The following ARHGAP25 variants were observed in gnomAD, a reference collection of about 807,000 sequenced individuals.
The protein encoded by ARHGAP25 is rho GTPase-activating protein 25.
ARHGAP25 carries 34 observed loss-of-function variants against 71.0 expected under a neutral mutation model. That is an observed-to-expected ratio of 0.48 (90% CI 0.36 to 0.64). ARHGAP25 has a LOEUF of 0.64. Among genes scored for constraint, ARHGAP25 ranks in the 30% least tolerant of loss-of-function variants. The pLI, the probability that ARHGAP25 is intolerant of heterozygous loss-of-function variation, is 0.00. For missense variants in ARHGAP25, 706 were observed against 805.1 expected, an observed-to-expected ratio of 0.88 and a Z score of 1.49; for synonymous variants, 282 against 296.5, an observed-to-expected ratio of 0.95 and a Z score of 0.50.
At chr2:68,764,553 A>C (rs191040152) in intron 1 of ARHGAP25, among the ~76,000 whole-genome samples, 1 of 152,190 alleles carries the variant, frequency 6.6e-6, no homozygotes, top group East Asian at 1.9e-4. Context: ...CTCTGTTCTC[A>C]CTGGTATCGT....
At chr2:68,748,695 G>C (rs1244837948) in intron 1 of ARHGAP25, among the ~76,000 whole-genome samples, 2 of 152,240 alleles carry the variant, frequency 1.3e-5, no homozygotes, top group East Asian at 3.9e-4. Context: ...AGATATTTCT[G>C]ACTTTCTTAT....
At chr2:68,761,863 T>C (rs1229851763) in intron 1 of ARHGAP25, among the ~76,000 whole-genome samples, 2 of 152,172 alleles carry the variant, frequency 1.3e-5, no homozygotes, top group Non-Finnish European at 2.9e-5. Flanking sequence ...TACTATCTGA[T>C]CCCACAATTC....
intron 2 of ARHGAP25, among the ~76,000 whole-genome samples, chr2:68,724,654 A>G (rs1227196268): frequency 6.6e-6 from 1 of 152,214 alleles, no homozygotes; most frequent in African/African-American, 2.4e-5. Flanking sequence ...CCAGCTGCCT[A>G]CTGGGTGGCA....
upstream of ARHGAP25, among the ~76,000 whole-genome samples, chr2:68,733,353 C>A (rs75841401): frequency 0.12 from 17,881 of 151,986 alleles, 1,302 homozygotes; most frequent in East Asian, 0.25. Flanking sequence ...GTCATAGGGG[C>A]AAAAACATCA....
intron 4 of ARHGAP25, among the ~76,000 whole-genome samples, chr2:68,802,138 G>A (rs930722354): frequency 2.6e-5 from 4 of 152,126 alleles, no homozygotes; most frequent in East Asian, 1.9e-4. Context: ...GGCCGGGCGC[G>A]GTGGCTCATG....
At chr2:68,755,317 C>T (rs1676410011) in intron 1 of ARHGAP25, among the ~76,000 whole-genome samples, 1 of 152,058 alleles carries the variant, frequency 6.6e-6, no homozygotes, top group Non-Finnish European at 1.5e-5. Context: ...AGGCCTCCTC[C>T]CAAAGATCAT....
At chr2:68,743,491 T>A (rs1022245743) in intron 1 of ARHGAP25, among the ~76,000 whole-genome samples, 3 of 152,322 alleles carry the variant, frequency 2.0e-5, no homozygotes, top group Admixed American at 2.0e-4. Context: ...AATTCTGCTG[T>A]TGCTACCCAA....
At chr2:68,769,507 T>C (rs976723941) in intron 1 of ARHGAP25, among the ~76,000 whole-genome samples, 3 of 152,110 alleles carry the variant, frequency 2.0e-5, no homozygotes, top group African/African-American at 7.2e-5. Context: ...TCCTTCCTTC[T>C]CTCTGTTAGG....
intron 1 of ARHGAP25, among the ~76,000 whole-genome samples, chr2:68,756,085 G>A (rs4309612): frequency 0.57 from 86,997 of 151,970 alleles, 26,041 homozygotes; most frequent in South Asian, 0.67. Context: ...TGGGACCCTG[G>A]TGTCTAATCA....
intron 9 of ARHGAP25, 144 bp downstream of exon 9, chr2:68,819,463 A>G: frequency 1.2e-6 from 1 of 823,394 alleles, no homozygotes; most frequent in Non-Finnish European, 2.0e-6. Context: ...ACTCATCTGA[A>G]CACACCTTGA....
chr2:68,726,469 C>T (rs78827583), intron 2 of ARHGAP25, among the ~76,000 whole-genome samples: 5,457 of 152,274 alleles, frequency 0.036, 326 homozygotes, highest in African/African-American at 0.12. Flanking sequence ...TTATAATCCC[C>T]TGGGAACGAA....
At chr2:68,786,179 G>A (rs1435583218) in intron 3 of ARHGAP25, among the ~76,000 whole-genome samples, 1 of 152,186 alleles carries the variant, frequency 6.6e-6, no homozygotes, top group Non-Finnish European at 1.5e-5. Context: ...CTTGAGAGCT[G>A]CGTGTTTCCC....
At chr2:68,721,772 G>C (rs1006653810) in intron 2 of ARHGAP25, among the ~76,000 whole-genome samples, 1 of 152,222 alleles carries the variant, frequency 6.6e-6, no homozygotes, top group Non-Finnish European at 1.5e-5. Flanking sequence ...TGTTGTATTG[G>C]ATTTCCTCTC....
chr2:68,792,396 A>G (rs1301257324), intron 4 of ARHGAP25, among the ~76,000 whole-genome samples: 1 of 152,170 alleles, frequency 6.6e-6, no homozygotes, highest in East Asian at 1.9e-4. Context: ...ATTTCTCATC[A>G]TACACCGCCT....
Position 68,783,524 on chromosome 2 carries a change from G to A in ARHGAP25, c.349+1204G>A, listed in dbSNP as rs1035375484. ...GTTGCCCAAGCTGGAGTGCAGTGGC[G>A]TGATCTGGGCTCACTGCAGCCTCTG... On this transcript the variant is annotated intron_variant, in intron 3 of 10. Coordinates refer to ENST00000409202, the MANE Select transcript of ARHGAP25 (RefSeq NM_001007231.3). 9.2e-5 allele frequency among the ~76,000 whole-genome samples: 14 copies of A among 151,582 alleles called. No individual in the cohort carries two copies. In the East Asian group the frequency reaches 9.7e-4, roughly 10 times the overall value.
chr2:68,824,558 C>T (rs889302830), intron 10 of ARHGAP25, among the ~76,000 whole-genome samples: 19 of 152,090 alleles, frequency 1.2e-4, no homozygotes, highest in East Asian at 7.7e-4. Flanking sequence ...CTGGCTAACA[C>T]GGTGAAACCA....
At chr2:68,819,738 G>T (rs11691421) in intron 9 of ARHGAP25, 156,228 of 493,016 alleles carry the variant, frequency 0.32, 26,130 homozygotes, top group East Asian at 0.5. Context: ...TCCTTTCTCA[G>T]AGTATGTGAT....
In ARHGAP25 at chr2:68,723,640, C is replaced by T. The variant is rs79096283; in HGVS notation, c.-18+12942C>T. 1.6e-3 allele frequency among the ~76,000 whole-genome samples: 243 copies of T among 152,326 alleles called. 1 individual carries two copies. Among genetic ancestry groups the T allele is most frequent in the African/African-American group, 5.3e-3 (220 of 41,566 alleles). On this transcript the variant is annotated intron_variant and NMD_transcript_variant, in intron 2 of 7. Coordinates refer to the ARHGAP25 transcript ENST00000463483. The stretch of plus-strand genomic sequence containing the variant: ...CTGAGAGGATGGGGACTGTGAGCAC[C>T]TGCTAACTCTTCTATCCCTAGTCCC...
Position 68,826,352 on chromosome 2 carries a change from C to T in ARHGAP25, c.*158C>T. The T allele has an allele frequency of 5.3e-6, 4 of 759,350 alleles. No individual in the cohort carries two copies. The highest frequency in any genetic ancestry group is 6.9e-6 in the Non-Finnish European group (3 of 436,328). 47.0% of individuals were successfully genotyped at this position (759,350 alleles called of 1,614,324 possible). A position where few individuals can be genotyped will look rare whatever the true frequency, so the allele number is the denominator to read the frequency against. ...CCCATAAATAAATGAATGGAGTTTG[C>T]AGGAAGGTGAGGGTGAGCAGAGATG... On this transcript the variant is annotated 3_prime_UTR_variant, in exon 11 of 11. Transcript: ENST00000409202.
Sources: gnomAD v4.1 joint callset for allele counts (sites outside exome capture counted in the v4.1 genomes callset) on GRCh38, gnomAD v4.1.1 for gene constraint, MANE v1.5 for transcripts, NCBI Gene and HGNC (gene_info 2026-07-23, HGNC 2026-07-21) for gene names.